Variants in ZNF649 observed in about 807,000 individuals in gnomAD.
ZNF649 encodes zinc finger protein 649.
In ZNF649, 7 loss-of-function variants were observed where a neutral mutation model predicts 14.1. The observed-to-expected ratio is 0.49, with a 90% CI of 0.28 to 0.93. The LOEUF (loss-of-function observed/expected upper bound fraction) is 0.93. ZNF649 is among the 40% of genes least tolerant of loss of function. The pLI is 0.10. For missense variants in ZNF649, 544 were observed against 608.1 expected (o/e 0.89, Z 1.11); for synonymous variants, 227 against 212.3 (o/e 1.07, Z -0.60).
chr19:51,897,023 A>T, intron 2 of ZNF649, 45 bp from the exon 3 acceptor site: 1 of 1,611,704 alleles, frequency 6.2e-7, no homozygotes, highest in South Asian at 1.1e-5. Flanking sequence ...TTTTATTGAC[A>T]TGGAAGAAAT....
chr19:51,903,590 G>A (rs2085106695), intron 1 of ZNF649, among the ~76,000 whole-genome samples: 1 of 152,180 alleles, frequency 6.6e-6, no homozygotes, highest in African/African-American at 2.4e-5. Context: ...AGGCCGAGGC[G>A]GGCAGATCAC....
rs2085006426 is a variant in ZNF649, at chr19:51,889,883, A to T, written c.*735T>A. On this transcript the variant is annotated 3_prime_UTR_variant, in exon 5 of 5. Transcript: ENST00000354957. ...AGTAAGTTAGTAATTTAAACCTAAA[A>T]ACATCAATACATTGAACGTAAATGA... is the stretch of plus-strand genomic sequence containing the variant. 1 of 152,246 alleles carries T rather than the reference A, an allele frequency of 6.6e-6. No individual in the cohort carries two copies. The highest frequency in any genetic ancestry group is 2.1e-4 in the South Asian group (1 of 4,828). The allele number at this position is 152,246 out of a possible 1,614,324, so 9.4% of individuals were successfully genotyped here. A position where few individuals can be genotyped will look rare whatever the true frequency, so the allele number is the denominator to read the frequency against.
chr19:51,894,248 T>C (rs1224450201), intron 4 of ZNF649, among the ~76,000 whole-genome samples: 4 of 152,090 alleles, frequency 2.6e-5, no homozygotes, highest in Non-Finnish European at 5.9e-5. Flanking sequence ...TTCTCCTGCC[T>C]CAGTCTCCCG....
chr19:51,898,112 A>C (rs1348053770), intron 2 of ZNF649, among the ~76,000 whole-genome samples: 1 of 151,812 alleles, frequency 6.6e-6, no homozygotes, highest in Non-Finnish European at 1.5e-5. Flanking sequence ...AAAAAAAAAA[A>C]AAACTATGAA....
chr19:51,892,279 G>A (rs1005828382), intron 4 of ZNF649, among the ~76,000 whole-genome samples: 1 of 151,962 alleles, frequency 6.6e-6, no homozygotes, highest in Admixed American at 6.6e-5. Context: ...AGGAGGTTGA[G>A]GCAGGAAAAT....
At chr19:51,900,061 T>G in intron 2 of ZNF649, 32 bp downstream of exon 2, 1 of 1,468,700 alleles carries the variant, frequency 6.8e-7, no homozygotes, top group Non-Finnish European at 9.0e-7. Context: ...CATCAGGGAA[T>G]CGAGTTAAGA....
chr19:51,891,363 C>A lies in ZNF649; in HGVS notation c.773G>T (p.Gly258Val). 1 of 1,614,216 alleles carries A rather than the reference C, an allele frequency of 6.2e-7. No individual in the cohort carries two copies. Among genetic ancestry groups the A allele is most frequent in the Non-Finnish European group, 8.5e-7 (1 of 1,180,022 alleles). The stretch of plus-strand genomic sequence containing the variant: ...TTCACTGCACCCGTATGGTTTCTCT[C>A]CTTTGTGAGCTCTCTCGTGTTCAGT... ...RLTEHERAHKGEKPYGCSECG... is the reference protein window; with the variant it reads ...RLTEHERAHKVEKPYGCSECG... The change falls in exon 5 of 5, where the codon GGA becomes GTA. Residue 258 changes from glycine to valine, a missense_variant. Gly to Val is a moderately radical substitution (Grantham distance 109). Transcript: ENST00000354957. The surrounding 1 kb of genome is among the most constrained non-coding windows in gnomAD (Gnocchi z 4.2).
chr19:51,896,549 G>C lies in ZNF649; in HGVS notation c.161C>G (p.Pro54Arg), dbSNP rs374514619. The C allele has an allele frequency of 2.5e-6, 4 of 1,614,180 alleles. No individual in the cohort carries two copies. Among genetic ancestry groups the C allele is most frequent in the Non-Finnish European group, 3.4e-6 (4 of 1,180,022 alleles). Residue 54 changes from proline (P) to arginine (R), a missense_variant, in exon 4 of 5, where the codon CCT becomes CGT. Transcript: ENST00000354957. ...TTGTTCCAACTTGGTGAGGGCATCA[G>C]GTTTGCCGGCTTGATACCCTGTTTG... ...LVSVGYQAGK[P>R]DALTKLEQGE...
chr19:51,891,968 G>T lies in ZNF649; in HGVS notation c.239-71C>A. 1 of 1,481,658 alleles carries T rather than the reference G, an allele frequency of 6.7e-7. No homozygotes were observed. The highest frequency in any genetic ancestry group is 8.9e-7 in the Non-Finnish European group (1 of 1,120,320). The allele number at this position is 1,481,658 out of a possible 1,614,324, so 91.8% of individuals were successfully genotyped here. A position where few individuals can be genotyped will look rare whatever the true frequency, so the allele number is the denominator to read the frequency against. On this transcript the variant is annotated intron_variant, in intron 4 of 4. Transcript: ENST00000354957. This position sits in a 1 kb window ranked among gnomAD's most constrained non-coding sequence, Gnocchi z 4.2. The stretch of plus-strand genomic sequence containing the variant: ...AAAACTGCTTCAAAGATGCCTTGGG[G>T]TTGGCTGGCTTTTTACTGGAACCCC...
At chr19:51,895,515 T>G (rs2085055857) in intron 4 of ZNF649, among the ~76,000 whole-genome samples, 1 of 151,960 alleles carries the variant, frequency 6.6e-6, no homozygotes, top group South Asian at 2.1e-4. Context: ...GGCTAATTTT[T>G]GTATTTTTAG....
intron 1 of ZNF649, among the ~76,000 whole-genome samples, chr19:51,901,854 G>A (rs1189871563): frequency 1.3e-5 from 2 of 150,912 alleles, no homozygotes; most frequent in African/African-American, 2.4e-5. Flanking sequence ...GCGGCAGGAG[G>A]ACTGCTTGAG....
chr19:51,890,754 A>T lies in ZNF649; in HGVS notation c.1382T>A (p.Val461Glu). 1 of 1,614,218 alleles carries T rather than the reference A, an allele frequency of 6.2e-7. No homozygotes were observed. Among genetic ancestry groups the T allele is most frequent in the African/African-American group, 1.3e-5 (1 of 75,058 alleles). The change falls in exon 5 of 5, where the codon GTG becomes GAG. Residue 461 changes from valine (V) to glutamate (E), a missense_variant. By Grantham distance (121) the Val-to-Glu change is moderately radical. Transcript: ENST00000354957. The part of the protein sequence containing the change: ...IHSREKRGDS[V>E]KVENPSTASH... ...TGCTGTGGAAGGATTTTCCACCTTC[A>T]CTGAATCCCCCCGTTTCTCCCTTGA...
At chr19:51,903,082 G>A (rs777780152) in intron 1 of ZNF649, among the ~76,000 whole-genome samples, 1 of 152,138 alleles carries the variant, frequency 6.6e-6, no homozygotes, top group Non-Finnish European at 1.5e-5. Flanking sequence ...GCAGATGGAA[G>A]GGATAGCACA....
intron 1 of ZNF649, 115 bp downstream of exon 1, chr19:51,904,799 C>G (rs536496293): frequency 1.3e-5 from 2 of 152,732 alleles, no homozygotes; most frequent in African/African-American, 2.4e-5. Flanking sequence ...CACGCCGGAC[C>G]GCAAAGGCAC....
chr19:51,903,138 G>A (rs550791241), intron 1 of ZNF649, among the ~76,000 whole-genome samples: 2 of 152,178 alleles, frequency 1.3e-5, no homozygotes, highest in African/African-American at 2.4e-5. Flanking sequence ...TGCCCTCCAC[G>A]GAAGCTTATT....
chr19:51,890,528 T>C lies in ZNF649; in HGVS notation c.*90A>G. 1 of 793,808 alleles carries C rather than the reference T, an allele frequency of 1.3e-6. No homozygotes were observed. The highest frequency in any genetic ancestry group is 2.1e-6 in the Non-Finnish European group (1 of 486,062). 49.2% of individuals were successfully genotyped at this position (793,808 alleles called of 1,614,324 possible). A position where few individuals can be genotyped will look rare whatever the true frequency, so the allele number is the denominator to read the frequency against. ...ATTTCATATCTTGTAAACCCTACTATACATATTAGTGCAGGGAGCCAAAGG... is the reference window on the plus strand; with the variant it reads ...ATTTCATATCTTGTAAACCCTACTACACATATTAGTGCAGGGAGCCAAAGG... On this transcript the variant is annotated 3_prime_UTR_variant, in exon 5 of 5. Transcript: ENST00000354957.
At chr19:51,894,316 T>C (rs1390731063) in intron 4 of ZNF649, among the ~76,000 whole-genome samples, 1 of 152,106 alleles carries the variant, frequency 6.6e-6, no homozygotes, top group Non-Finnish European at 1.5e-5. Flanking sequence ...GTATTTTATG[T>C]AGAGACAGGG....
Position 51,891,918 on chromosome 19 carries a change from T to A in ZNF649, c.239-21A>T, listed in dbSNP as rs761962271. Reference sequence around the variant, plus strand: ...AATTTCTAAGAGAGAGAACAATAAATCCTTCCATGATCATCACACGGAATA... The same window carrying A: ...AATTTCTAAGAGAGAGAACAATAAAACCTTCCATGATCATCACACGGAATA... On this transcript the variant is annotated intron_variant, in intron 4 of 4. Coordinates refer to ENST00000354957, the MANE Select transcript of ZNF649 (RefSeq NM_023074.4). The surrounding 1 kb of genome is among the most constrained non-coding windows in gnomAD (Gnocchi z 4.2). 40 of 1,533,362 alleles carry A rather than the reference T, an allele frequency of 2.6e-5. No individual in the cohort carries two copies. Among genetic ancestry groups the A allele is most frequent in the Non-Finnish European group, 3.4e-5 (39 of 1,147,668 alleles). 95.0% of individuals were successfully genotyped at this position (1,533,362 alleles called of 1,614,324 possible).
At chr19:51,904,676 C>T (rs2085113392) in intron 1 of ZNF649, among the ~76,000 whole-genome samples, 2 of 152,106 alleles carry the variant, frequency 1.3e-5, no homozygotes, top group Admixed American at 1.3e-4. Context: ...AGTTCTCCAT[C>T]CAGTGATCCA....
Sources: allele counts gnomAD v4.1 joint callset (sites outside exome capture counted in the v4.1 genomes callset), GRCh38; gene constraint gnomAD v4.1.1; non-coding constraint Gnocchi (gnomAD v3.1); transcripts MANE v1.5; gene names NCBI Gene and HGNC (gene_info 2026-07-23, HGNC 2026-07-21).